Variants in EXOC4 observed in about 807,000 individuals in gnomAD.
EXOC4 encodes the protein exocyst complex component 4, also known as SEC8-like 1.
A neutral mutation model predicts 107.2 loss-of-function variants in EXOC4; 71 were observed. The observed-to-expected ratio is 0.66, with a 90% CI of 0.55 to 0.81. The LOEUF (loss-of-function observed/expected upper bound fraction) is 0.81, where lower values mean the gene tolerates loss of function less well. Ranked by LOEUF, EXOC4 falls within the 30% of genes least tolerant of loss-of-function variation. EXOC4 has a pLI of 0.00. For missense variants in EXOC4, 1,108 were observed against 1,189.6 expected, an observed-to-expected ratio of 0.93 and a Z score of 1.01; for synonymous variants, 456 against 441.2, an observed-to-expected ratio of 1.03 and a Z score of -0.42.
chr7:133,499,520 C>T (rs1799538468), intron 9 of EXOC4, among the ~76,000 whole-genome samples: 1 of 152,086 alleles, frequency 6.6e-6, no homozygotes. Context: ...GAAGAGGATG[C>T]AGTGACTGAG....
rs770345352 is a variant in EXOC4 at position 133,375,016 on chromosome 7, A to G, written c.1182+14A>G. On this transcript the variant is annotated intron_variant, in intron 7 of 17. Transcript: ENST00000253861. ...GATGTTCTACAGGTAAGAGCCTTTT[A>G]CAAAGGGTGTCATCTTGATTCAGAG... The G allele has an allele frequency of 5.6e-6, 9 of 1,606,616 alleles. No individual in the cohort carries two copies. Among genetic ancestry groups the G allele is most frequent in the Admixed American group, 3.3e-5 (2 of 59,746 alleles).
At chr7:133,734,075 A>G (rs146474201) in intron 10 of EXOC4, among the ~76,000 whole-genome samples, 1 of 152,190 alleles carries the variant, frequency 6.6e-6, no homozygotes, top group African/African-American at 2.4e-5. Context: ...GCTCAACTCA[A>G]TATATGGATT....
chr7:133,337,586 T>A, intron 5 of EXOC4, among the ~76,000 whole-genome samples: 1 of 152,052 alleles, frequency 6.6e-6, no homozygotes, highest in Middle Eastern at 3.4e-3. Flanking sequence ...TTAAAATTTT[T>A]CTTGTATTTC....
At chr7:133,602,814 G>T (rs1318543884) in intron 9 of EXOC4, among the ~76,000 whole-genome samples, 1 of 152,146 alleles carries the variant, frequency 6.6e-6, no homozygotes, top group Non-Finnish European at 1.5e-5. Flanking sequence ...AGCTCACTTG[G>T]GAAAGCCCGT....
At chr7:133,478,064 A>G (rs866583464) in intron 8 of EXOC4, among the ~76,000 whole-genome samples, 5 of 152,208 alleles carry the variant, frequency 3.3e-5, no homozygotes, top group South Asian at 2.1e-4. Flanking sequence ...GTAGAAGGAA[A>G]AGGTAGTTGG....
At chr7:133,300,175 C>A (rs1410589814) in intron 3 of EXOC4, among the ~76,000 whole-genome samples, 1 of 152,098 alleles carries the variant, frequency 6.6e-6, no homozygotes. Flanking sequence ...TTTTGATTGT[C>A]TTACTTGATC....
chr7:133,860,583 A>G (rs1798512820), intron 11 of EXOC4, among the ~76,000 whole-genome samples: 1 of 152,176 alleles, frequency 6.6e-6, no homozygotes, highest in South Asian at 2.1e-4. Context: ...CATATCTACT[A>G]GTTTTTATTT....
chr7:133,928,968 T>C (rs1278362422), intron 13 of EXOC4, among the ~76,000 whole-genome samples: 1 of 142,598 alleles, frequency 7.0e-6, no homozygotes, highest in African/African-American at 2.6e-5. Flanking sequence ...AGTCTCCATC[T>C]GTCGCCCAGG....
In EXOC4 at chr7:133,813,441, A is replaced by G. The variant is rs201674958; in HGVS notation, c.1515-3884A>G. ...TGATTAATTCTCATAATATTAAAAAATAATAAAAAGAGTTTCGGTGTATTT... is the reference window on the plus strand; with the variant it reads ...TGATTAATTCTCATAATATTAAAAAGTAATAAAAAGAGTTTCGGTGTATTT... On this transcript the variant is annotated intron_variant, in intron 10 of 17. Transcript: ENST00000253861. 2.6e-5 allele frequency among the ~76,000 whole-genome samples: 4 copies of G among 152,232 alleles called. No individual in the cohort carries two copies. In the East Asian group the frequency reaches 7.7e-4, roughly 29 times the overall value.
intron 10 of EXOC4, among the ~76,000 whole-genome samples, chr7:133,661,813 G>A (rs1224426447): frequency 6.6e-6 from 1 of 151,702 alleles, no homozygotes; most frequent in Non-Finnish European, 1.5e-5. Flanking sequence ...GACTATATTG[G>A]TAGTCCTGTA....
At chr7:133,914,567 T>C (rs939688931) in intron 12 of EXOC4, among the ~76,000 whole-genome samples, 1 of 152,064 alleles carries the variant, frequency 6.6e-6, no homozygotes. Context: ...TCATGTGATA[T>C]GTGCAAGTAA....
chr7:133,789,270 A>G (rs977226933), intron 10 of EXOC4, among the ~76,000 whole-genome samples: 2 of 152,192 alleles, frequency 1.3e-5, no homozygotes, highest in African/African-American at 4.8e-5. Context: ...TTTATTCTTT[A>G]TCTAAAAAGT....
intron 10 of EXOC4, among the ~76,000 whole-genome samples, chr7:133,633,837 G>C (rs1802646064): frequency 6.6e-6 from 1 of 152,008 alleles, no homozygotes; most frequent in African/African-American, 2.4e-5. Context: ...ACTCAGATTT[G>C]TTTTCAGTGG....
In EXOC4 at chr7:133,630,544, G is replaced by A. The variant is rs987280384; in HGVS notation, c.1514+403G>A. Among the ~76,000 whole-genome samples the A allele has an allele frequency of 5.3e-5, 8 of 152,102 alleles. No individual in the cohort carries two copies. In the East Asian group the frequency reaches 1.5e-3, roughly 29 times the overall value. Reference sequence around the variant, plus strand: ...CTTATTTGTTTATGTATTGCCCATAGCTGCTTTTGTGCTACAAGTGCAGAC... The same window carrying A: ...CTTATTTGTTTATGTATTGCCCATAACTGCTTTTGTGCTACAAGTGCAGAC... On this transcript the variant is annotated intron_variant, in intron 10 of 17. Transcript: ENST00000253861.
At chr7:133,574,276 A>G (rs1801082863) in intron 9 of EXOC4, among the ~76,000 whole-genome samples, 1 of 152,142 alleles carries the variant, frequency 6.6e-6, no homozygotes, top group Non-Finnish European at 1.5e-5. Flanking sequence ...ATTATATATG[A>G]TTTATATAAA....
chr7:133,593,901 CATTTT>C (rs1801605713), intron 9 of EXOC4, among the ~76,000 whole-genome samples: 1 of 152,126 alleles, frequency 6.6e-6, no homozygotes, highest in African/African-American at 2.4e-5. Context: ...TTGGAACACA[CATTTT>C]ATGTAGTTAT....
intron 10 of EXOC4, chr7:133,732,635 T>G (rs1344846654): frequency 2.0e-5 from 3 of 153,694 alleles, no homozygotes; most frequent in Non-Finnish European, 4.3e-5. Flanking sequence ...GGGCTTAGCA[T>G]TTTTACTTTT....
At chr7:133,858,528 C>T (rs1027262675) in intron 11 of EXOC4, among the ~76,000 whole-genome samples, 1 of 152,126 alleles carries the variant, frequency 6.6e-6, no homozygotes, top group Non-Finnish European at 1.5e-5. Context: ...TTTCAGGCTT[C>T]CTGCTGTATT....
chr7:133,488,650 G>T (rs757003795), intron 9 of EXOC4, among the ~76,000 whole-genome samples: 6 of 152,088 alleles, frequency 3.9e-5, no homozygotes, highest in Non-Finnish European at 7.4e-5. Flanking sequence ...ATTTCCAATA[G>T]GTTGATAACT....
Sources: gnomAD v4.1 joint callset for allele counts (sites outside exome capture counted in the v4.1 genomes callset) on GRCh38, gnomAD v4.1.1 for gene constraint, MANE v1.5 for transcripts, NCBI Gene and HGNC (gene_info 2026-07-23, HGNC 2026-07-21) for gene names.